TMEM18: variants seen among roughly 807,000 people sequenced by gnomAD.
TMEM18 encodes transmembrane protein 18.
TMEM18 carries 14 observed loss-of-function variants against 17.4 expected under a neutral mutation model. That is an observed-to-expected ratio of 0.80 (90% confidence interval 0.53 to 1.25). TMEM18 has a LOEUF of 1.25. TMEM18 is among the 50% of genes most tolerant of loss of function. TMEM18 has a pLI of 0.00. For synonymous variants in TMEM18, 86 were observed against 66.1 expected, an observed-to-expected ratio of 1.30 and a Z score of -1.46; for missense variants, 187 against 172.1, an observed-to-expected ratio of 1.09 and a Z score of -0.48.
Position 673,761 on chromosome 2 carries a change from T to TG in TMEM18, c.179-900dup, listed in dbSNP as rs1199915072. 2.2e-4 allele frequency among the ~76,000 whole-genome samples: 6 copies of TG among 26,986 alleles called. No homozygotes were observed. In the East Asian group the frequency reaches 3.9e-3, roughly 18 times the overall value. The allele number at this position is 26,986 out of a possible 152,430, so 17.7% of individuals were successfully genotyped here. A position where few individuals can be genotyped will look rare whatever the true frequency, so the allele number is the denominator to read the frequency against. The stretch of plus-strand genomic sequence containing the variant: ...AGGAGGAGGAGGAGGAGGGGGAGGA[T>TG]GGGGGGGAAGGAGAGGAAGGAGGGG... On this transcript the variant is annotated intron_variant, in intron 2 of 4. Transcript: ENST00000281017.
rs1268084242 is a variant in TMEM18, at chr2:667,391, T to G, written c.*2189A>C. ...ATCGATAAACGTAAGGTGTCACAGG[T>G]TTGGAATGTGAAAAATAATTTTGAT... is the stretch of plus-strand genomic sequence containing the variant. On this transcript the variant is annotated 3_prime_UTR_variant, in exon 5 of 5. Coordinates refer to ENST00000281017, the MANE Select transcript of TMEM18 (RefSeq NM_152834.4). 6.6e-6 allele frequency: 1 copy of G among 152,014 alleles called. No individual in the cohort carries two copies. The highest frequency in any genetic ancestry group is 1.5e-5 in the Non-Finnish European group (1 of 68,012). The allele number at this position is 152,014 out of a possible 1,614,324, so 9.4% of individuals were successfully genotyped here. A position where few individuals can be genotyped will look rare whatever the true frequency, so the allele number is the denominator to read the frequency against.
intron 2 of TMEM18, among the ~76,000 whole-genome samples, chr2:674,383 GC>G (rs1487525241): frequency 6.6e-6 from 1 of 152,166 alleles, no homozygotes; most frequent in Non-Finnish European, 1.5e-5. Context: ...TGCACCTTTT[GC>G]CCCTGGGTTC....
chr2:669,778 C>T lies in TMEM18; in HGVS notation c.306G>A (p.Leu102=). 2 of 1,614,072 alleles carry T rather than the reference C, an allele frequency of 1.2e-6. No individual in the cohort carries two copies. Among genetic ancestry groups the T allele is most frequent in the Non-Finnish European group, 1.7e-6 (2 of 1,180,002 alleles). Reference sequence around the variant, plus strand: ...GTACCACAATGATCATGGCATTCACCAGCAGTGGGGCTGAAAATACTATAG... The same window carrying T: ...GTACCACAATGATCATGGCATTCACTAGCAGTGGGGCTGAAAATACTATAG... ...FISIVFSAPL[L]VNAMIIVVMW... is the part of the protein sequence containing the mutation. Residue 102 remains leucine (L), a synonymous_variant, in exon 4 of 5, where the codon CTG becomes CTA. Coordinates refer to ENST00000281017, the MANE Select transcript of TMEM18 (RefSeq NM_152834.4).
chr2:669,936 G>A, intron 3 of TMEM18, 86 bp from the exon 4 acceptor site: 1 of 1,084,396 alleles, frequency 9.2e-7, no homozygotes, highest in Non-Finnish European at 1.3e-6. Context: ...AGACTTTGGA[G>A]AGAGCTGATG....
chr2:674,088 G>A (rs1409312375), intron 2 of TMEM18, among the ~76,000 whole-genome samples: 1 of 152,260 alleles, frequency 6.6e-6, no homozygotes, highest in Non-Finnish European at 1.5e-5. Context: ...TATAAAAATG[G>A]GCAAATAAAA....
In TMEM18 at chr2:663,994, AGGTCCCCCTTTTTTTACCT is replaced by A. The variant is rs1248942691; in HGVS notation, c.*5567_*5585del. Among the ~76,000 whole-genome samples the A allele has an allele frequency of 6.6e-6, 1 of 152,184 alleles. No individual in the cohort carries two copies. The highest frequency in any genetic ancestry group is 1.5e-5 in the Non-Finnish European group (1 of 68,024). ...TCTGGCTTCAAATTCACAATTCCTA[AGGTCCCCCTTTTTTTACCT>A]GGATGCTTGAGCAAAAGGATATTCG... On this transcript the variant is annotated 3_prime_UTR_variant, in exon 5 of 5. Transcript: ENST00000281017.
At chr2:676,463 G>A in intron 1 of TMEM18, 2 of 1,337,482 alleles carry the variant, frequency 1.5e-6, no homozygotes, top group African/African-American at 3.9e-5. Context: ...GCCCGGCACA[G>A]CCCTCCAGAA....
intron 2 of TMEM18, 63 bp from the exon 3 acceptor site, chr2:672,925 T>C (rs1392409349): frequency 4.4e-6 from 6 of 1,369,182 alleles, no homozygotes; most frequent in Non-Finnish European, 5.9e-6. Context: ...TATAAAGTTA[T>C]ACATTCTTTA....
At position 665,915 on chromosome 2, in the gene TMEM18, A is replaced by G. The variant is rs1425895014; in HGVS notation, c.*3665T>C. 6.6e-6 allele frequency among the ~76,000 whole-genome samples: 1 copy of G among 152,114 alleles called. No individual in the cohort carries two copies. The highest frequency in any genetic ancestry group is 1.5e-5 in the Non-Finnish European group (1 of 68,016). On this transcript the variant is annotated 3_prime_UTR_variant, in exon 5 of 5. Coordinates refer to ENST00000281017, the MANE Select transcript of TMEM18 (RefSeq NM_152834.4). The stretch of plus-strand genomic sequence containing the variant: ...ACAGGACTCATGGAGGCAGTCACCC[A>G]GCTCACTCAGATGGAGTGTTAACCC...
At chr2:673,396 G>A (rs1261824888) in intron 2 of TMEM18, among the ~76,000 whole-genome samples, 2 of 151,906 alleles carry the variant, frequency 1.3e-5, no homozygotes, top group African/African-American at 4.8e-5. Flanking sequence ...GGTGGGGGCA[G>A]GGCAAGGCCT....
chr2:672,032 C>A (rs1395536204), intron 3 of TMEM18, among the ~76,000 whole-genome samples: 4 of 152,008 alleles, frequency 2.6e-5, no homozygotes, highest in African/African-American at 4.8e-5. Flanking sequence ...GGAAACCAGG[C>A]GGGGTCTAAG....
rs1379193594 is a variant in TMEM18 at position 667,618 on chromosome 2, C to A, written c.*1962G>T. ...TGATCATTTTGGCTTCTATGACTTTCCCTAAAATGAGGACAACATATCAAG... is the reference window on the plus strand; with the variant it reads ...TGATCATTTTGGCTTCTATGACTTTACCTAAAATGAGGACAACATATCAAG... On this transcript the variant is annotated 3_prime_UTR_variant, in exon 5 of 5. Coordinates refer to ENST00000281017, the MANE Select transcript of TMEM18 (RefSeq NM_152834.4). 1 of 152,186 alleles carries A rather than the reference C, an allele frequency of 6.6e-6. No individual in the cohort carries two copies. Among genetic ancestry groups the A allele is most frequent in the African/African-American group, 2.4e-5 (1 of 41,446 alleles). The allele number at this position is 152,186 out of a possible 1,614,324, so 9.4% of individuals were successfully genotyped here. A position where few individuals can be genotyped will look rare whatever the true frequency, so the allele number is the denominator to read the frequency against.
rs1678725665 is a variant in TMEM18, at chr2:667,528, C to T, written c.*2052G>A. Reference sequence around the variant, plus strand: ...ATTTATGGAGCCTGAAACCAGTGTGCTCTGTGCAACCCCCAGTGCTTTAAA... The same window carrying T: ...ATTTATGGAGCCTGAAACCAGTGTGTTCTGTGCAACCCCCAGTGCTTTAAA... On this transcript the variant is annotated 3_prime_UTR_variant, in exon 5 of 5. Coordinates refer to ENST00000281017, the MANE Select transcript of TMEM18 (RefSeq NM_152834.4). The T allele has an allele frequency of 6.6e-6, 1 of 152,178 alleles. No homozygotes were observed. Among genetic ancestry groups the T allele is most frequent in the African/African-American group, 2.4e-5 (1 of 41,438 alleles). The allele number at this position is 152,178 out of a possible 1,614,324, so 9.4% of individuals were successfully genotyped here.
At chr2:677,060 C>T (rs1659271102) in intron 1 of TMEM18, 2 of 436,162 alleles carry the variant, frequency 4.6e-6, no homozygotes, top group Non-Finnish European at 7.9e-6. Flanking sequence ...GACGCCCGGC[C>T]CCGGCCCCCT....
In TMEM18 at chr2:677,226, G is replaced by T. The variant is rs114282653; in HGVS notation, c.57+63C>A. The T allele has an allele frequency of 2.5e-3, 3,879 of 1,559,466 alleles. 76 individuals carry two copies. In the African/African-American group the frequency reaches 0.047, roughly 19 times the overall value. On this transcript the variant is annotated intron_variant, in intron 1 of 4. Coordinates refer to ENST00000281017, the MANE Select transcript of TMEM18 (RefSeq NM_152834.4). ...TGGCCACAGGCCGGGTGCTCTGTGG[G>T]GCCTACCCTACGCCTCTCCGCCGTC...
intron 1 of TMEM18, 53 bp downstream of exon 1, chr2:677,236 A>G: frequency 1.3e-6 from 2 of 1,575,022 alleles, no homozygotes; most frequent in East Asian, 2.3e-5. Context: ...GGCCTACCCT[A>G]CGCCTCTCCG....
chr2:666,170 G>C lies in TMEM18; in HGVS notation c.*3410C>G, dbSNP rs938551180. Among the ~76,000 whole-genome samples, 34 of 152,358 alleles carry C rather than the reference G, an allele frequency of 2.2e-4. No homozygotes were observed. Among genetic ancestry groups the C allele is most frequent in the African/African-American group, 7.9e-4 (33 of 41,582 alleles). On this transcript the variant is annotated 3_prime_UTR_variant, in exon 5 of 5. Coordinates refer to ENST00000281017, the MANE Select transcript of TMEM18 (RefSeq NM_152834.4). ...CATCCAGCTCGCTCAGATGGAGCAG[G>C]AGCTGCTGAAGGGTGTTTTGGCCCA...
intron 1 of TMEM18, chr2:676,461 C>A (rs1333762446): frequency 1.6e-5 from 22 of 1,343,322 alleles, no homozygotes; most frequent in Non-Finnish European, 2.0e-5. Flanking sequence ...CAGCCCGGCA[C>A]AGCCCTCCAG....
Position 669,415 on chromosome 2 carries a change from A to C in TMEM18, c.*165T>G, listed in dbSNP as rs1404398355. The C allele has an allele frequency of 2.8e-6, 2 of 724,272 alleles. No individual in the cohort carries two copies. Among genetic ancestry groups the C allele is most frequent in the Non-Finnish European group, 2.4e-6 (1 of 419,458 alleles). 44.9% of individuals were successfully genotyped at this position (724,272 alleles called of 1,614,324 possible). A position where few individuals can be genotyped will look rare whatever the true frequency, so the allele number is the denominator to read the frequency against. ...TGATGGATACATTCAGTGCTGGCTG[A>C]AAAGCCAACTTCAGTGTGTGCCCTA... On this transcript the variant is annotated 3_prime_UTR_variant, in exon 5 of 5. Coordinates refer to ENST00000281017, the MANE Select transcript of TMEM18 (RefSeq NM_152834.4).
Sources: gnomAD v4.1 joint callset for allele counts (sites outside exome capture counted in the v4.1 genomes callset) on GRCh38, gnomAD v4.1.1 for gene constraint, MANE v1.5 for transcripts, NCBI Gene and HGNC (gene_info 2026-07-23, HGNC 2026-07-21) for gene names.